Variants in RNF150 observed in about 807,000 individuals in gnomAD.
The protein encoded by RNF150 is ring finger protein 150.
In RNF150, 24 loss-of-function variants were observed where a neutral mutation model predicts 39.3. That is an observed-to-expected ratio of 0.61 (90% CI 0.44 to 0.86). The LOEUF (loss-of-function observed/expected upper bound fraction) is 0.86. Among genes scored for constraint, RNF150 ranks in the 40% least tolerant of loss-of-function variants. The pLI, the probability that RNF150 is intolerant of heterozygous loss-of-function variation, is 0.00. For synonymous variants in RNF150, 255 were observed against 227.3 expected, an observed-to-expected ratio of 1.12 and a Z score of -1.10; for missense variants, 502 against 587.8, an observed-to-expected ratio of 0.85 and a Z score of 1.51.
At chr4:141,080,616 T>G (rs1738112723) in intron 1 of RNF150, among the ~76,000 whole-genome samples, 1 of 152,230 alleles carries the variant, frequency 6.6e-6, no homozygotes, top group African/African-American at 2.4e-5. Context: ...TTAGCTGAAG[T>G]TGCATGTTTT....
At chr4:141,031,413 T>C (rs933232775) in intron 1 of RNF150, among the ~76,000 whole-genome samples, 26 of 151,872 alleles carry the variant, frequency 1.7e-4, no homozygotes, top group Non-Finnish European at 3.4e-4. Flanking sequence ...TGGAATTGCA[T>C]CAAAGTAAAA....
chr4:141,043,376 G>A (rs1373757397), intron 1 of RNF150, among the ~76,000 whole-genome samples: 1 of 152,036 alleles, frequency 6.6e-6, no homozygotes, highest in Non-Finnish European at 1.5e-5. Flanking sequence ...AAGGAGTTTC[G>A]CTATTAATAT....
intron 6 of RNF150, among the ~76,000 whole-genome samples, chr4:140,874,451 A>G (rs1367226534): frequency 6.6e-6 from 1 of 152,240 alleles, no homozygotes; most frequent in Non-Finnish European, 1.5e-5. Flanking sequence ...AAATATTTCT[A>G]GAATTGAGAT....
At chr4:140,984,213 A>T (rs566155586) in intron 1 of RNF150, among the ~76,000 whole-genome samples, 160 of 152,306 alleles carry the variant, frequency 1.1e-3, no homozygotes, top group Non-Finnish European at 1.6e-3. Context: ...TAGCAAAAAC[A>T]GGATAGAACT....
At chr4:141,142,895 A>T in intron 1 of RNF150, among the ~76,000 whole-genome samples, 2 of 147,656 alleles carry the variant, frequency 1.4e-5, no homozygotes, top group African/African-American at 2.5e-5. Flanking sequence ...TTTTAGATAG[A>T]GTCTGTCTCT....
chr4:141,119,334 G>A (rs891321670), intron 1 of RNF150, among the ~76,000 whole-genome samples: 1 of 152,134 alleles, frequency 6.6e-6, no homozygotes, highest in Non-Finnish European at 1.5e-5. Context: ...CATATACAAA[G>A]AGACAGATTC....
chr4:141,156,254 G>A (rs1004925370), intron 1 of RNF150, among the ~76,000 whole-genome samples: 2 of 152,120 alleles, frequency 1.3e-5, no homozygotes, highest in African/African-American at 4.8e-5. Flanking sequence ...AAATTCTATT[G>A]TTGCATGCAT....
intron 1 of RNF150, among the ~76,000 whole-genome samples, chr4:141,099,082 A>G: frequency 6.6e-6 from 1 of 152,270 alleles, no homozygotes; most frequent in Non-Finnish European, 1.5e-5. Flanking sequence ...TTATATAGTT[A>G]TACTGAAAAT....
intron 4 of RNF150, among the ~76,000 whole-genome samples, chr4:140,942,843 A>AT (rs1387381627): frequency 6.6e-6 from 1 of 152,190 alleles, no homozygotes; most frequent in Admixed American, 6.5e-5. Context: ...TCTACCAAAG[A>AT]TGATAACATG....
At chr4:141,151,376 G>C (rs1303769897) in intron 1 of RNF150, among the ~76,000 whole-genome samples, 1 of 150,198 alleles carries the variant, frequency 6.7e-6, no homozygotes, top group Non-Finnish European at 1.5e-5. Flanking sequence ...TTTGAGACCA[G>C]CCTGGGCAAT....
At chr4:141,030,428 G>A (rs1735896222) in intron 1 of RNF150, among the ~76,000 whole-genome samples, 1 of 152,084 alleles carries the variant, frequency 6.6e-6, no homozygotes, top group South Asian at 2.1e-4. Context: ...ATATGCTCCA[G>A]GAATCATATG....
chr4:140,880,026 C>T (rs1261679246), intron 6 of RNF150, among the ~76,000 whole-genome samples: 1 of 151,980 alleles, frequency 6.6e-6, no homozygotes, highest in Non-Finnish European at 1.5e-5. Context: ...CTAGGACTTC[C>T]AGTACTGTGT....
intron 1 of RNF150, among the ~76,000 whole-genome samples, chr4:140,983,192 A>C (rs890450844): frequency 1.3e-5 from 2 of 152,176 alleles, no homozygotes; most frequent in Non-Finnish European, 2.9e-5. Flanking sequence ...CACTCAGTAC[A>C]TACTGAAGCT....
At chr4:141,074,603 A>G (rs79833050) in intron 1 of RNF150, among the ~76,000 whole-genome samples, 1,951 of 152,222 alleles carry the variant, frequency 0.013, 55 homozygotes, top group African/African-American at 0.045. Context: ...CCCAGAGGCT[A>G]GGACTGGTCT....
intron 2 of RNF150, among the ~76,000 whole-genome samples, chr4:140,965,574 T>G (rs1733206924): frequency 6.6e-6 from 1 of 152,146 alleles, no homozygotes; most frequent in Middle Eastern, 3.2e-3. Context: ...TATTGTTTAT[T>G]CTCAACAAGG....
intron 6 of RNF150, among the ~76,000 whole-genome samples, chr4:140,903,969 C>A (rs998032798): frequency 6.6e-6 from 1 of 152,230 alleles, no homozygotes; most frequent in Admixed American, 6.5e-5. Flanking sequence ...GGCAGTCTCG[C>A]TTTGAGTGGG....
intron 1 of RNF150, among the ~76,000 whole-genome samples, chr4:141,155,154 T>C (rs10022991): frequency 0.55 from 83,059 of 151,898 alleles, 23,025 homozygotes; most frequent in East Asian, 0.81. Context: ...GGCGCGATCT[T>C]GGCTCACTGC....
intron 1 of RNF150, among the ~76,000 whole-genome samples, chr4:141,119,960 A>T (rs1173805804): frequency 6.6e-6 from 1 of 152,234 alleles, no homozygotes; most frequent in Non-Finnish European, 1.5e-5. Context: ...AGGCAGAAAA[A>T]GTGTATATAA....
intron 1 of RNF150, among the ~76,000 whole-genome samples, chr4:141,146,275 A>C (rs1289459486): frequency 6.6e-6 from 1 of 152,226 alleles, no homozygotes; most frequent in Non-Finnish European, 1.5e-5. Context: ...AGGGAGGAAA[A>C]ATGTCTGCAG....
Sources: allele counts gnomAD v4.1 joint callset (sites outside exome capture counted in the v4.1 genomes callset), GRCh38; gene constraint gnomAD v4.1.1; transcripts MANE v1.5; gene names NCBI Gene and HGNC (gene_info 2026-07-23, HGNC 2026-07-21).